The following TNRC6A variants were observed in gnomAD, a reference collection of about 807,000 sequenced individuals.
TNRC6A encodes the protein trinucleotide repeat-containing gene 6A protein.
A neutral mutation model predicts 221.2 loss-of-function variants in TNRC6A; 44 were observed. The ratio of observed to expected loss-of-function variants is 0.20; its 90% CI spans 0.16 to 0.26. The LOEUF (loss-of-function observed/expected upper bound fraction) is 0.26. Ranked by LOEUF, TNRC6A falls within the 10% of genes least tolerant of loss-of-function variation. The pLI is 1.00. For missense variants in TNRC6A, 2,199 were observed against 2,404.4 expected, an observed-to-expected ratio of 0.91 and a Z score of 1.79; for synonymous variants, 847 against 838.5, an observed-to-expected ratio of 1.01 and a Z score of -0.18.
At chr16:24,716,969 G>GAAAAAAAAAAAAAAAAAAAAAAAAAAAAA (rs61090241) in intron 2 of TNRC6A, among the ~76,000 whole-genome samples, 3 of 107,532 alleles carry the variant, frequency 2.8e-5, no homozygotes, top group Non-Finnish European at 4.1e-5. Flanking sequence ...AAAAAAAAAA[G>GAAAAAAAAAAAAAAAAAAAAAAAAAAAAA]AAAAAAAAAA....
intron 1 of TNRC6A, 105 bp from the exon 2 acceptor site, chr16:24,730,148 T>C (rs1596560454): frequency 2.1e-5 from 8 of 388,538 alleles, no homozygotes; most frequent in Non-Finnish European, 2.7e-5. Flanking sequence ...CCCTCCCCCA[T>C]CCGGCCCCGG....
At chr16:24,805,236 G>GC in intron 14 of TNRC6A, 85 bp downstream of exon 14, 1 of 1,535,816 alleles carries the variant, frequency 6.5e-7, no homozygotes, top group Non-Finnish European at 8.9e-7. Flanking sequence ...GGCTAACTAA[G>GC]CATTATCATA....
chr16:24,732,641 C>T (rs1039439472), intron 2 of TNRC6A, among the ~76,000 whole-genome samples: 1 of 152,118 alleles, frequency 6.6e-6, no homozygotes, highest in Non-Finnish European at 1.5e-5. Context: ...GTAGGCGGGA[C>T]CCACAGATGC....
rs139721189 is a variant in TNRC6A, at chr16:24,817,758, G to A, written c.4972+802G>A. ...GCAGCCACCATGTTGCGTTAGACGTGTAATTTACAGAGGTAACAAGCAGAG... is the reference window on the plus strand; with the variant it reads ...GCAGCCACCATGTTGCGTTAGACGTATAATTTACAGAGGTAACAAGCAGAG... On this transcript the variant is annotated intron_variant, in intron 20 of 24. Coordinates refer to ENST00000395799, the MANE Select transcript of TNRC6A (RefSeq NM_014494.4). Among the ~76,000 whole-genome samples, 52 of 152,260 alleles carry A rather than the reference G, an allele frequency of 3.4e-4. No individual in the cohort carries two copies. In the Middle Eastern group the frequency reaches 0.014, roughly 40 times the overall value.
intron 4 of TNRC6A, among the ~76,000 whole-genome samples, chr16:24,768,328 G>A (rs1040857438): frequency 1.3e-5 from 2 of 151,618 alleles, no homozygotes; most frequent in African/African-American, 4.9e-5. Flanking sequence ...AGCTACTCGG[G>A]AGGCTGAGGC....
At chr16:24,696,364 A>G (rs530130093) in intron 2 of TNRC6A, among the ~76,000 whole-genome samples, 58 of 144,796 alleles carry the variant, frequency 4.0e-4, no homozygotes, top group African/African-American at 1.2e-3. Context: ...AAAAAAAAAA[A>G]AAAGAAAGTA....
intron 2 of TNRC6A, among the ~76,000 whole-genome samples, chr16:24,746,344 T>G (rs908842333): frequency 1.3e-5 from 2 of 152,168 alleles, no homozygotes; most frequent in African/African-American, 2.4e-5. Context: ...GAGGATTGCT[T>G]GAGCCCAGGA....
At chr16:24,812,983 C>T (rs1422882864) in intron 18 of TNRC6A, among the ~76,000 whole-genome samples, 1 of 149,334 alleles carries the variant, frequency 6.7e-6, no homozygotes, top group Non-Finnish European at 1.5e-5. Flanking sequence ...TCAGATGACC[C>T]CCCCACCTCA....
chr16:24,768,203 G>A (rs1429224387), intron 4 of TNRC6A, among the ~76,000 whole-genome samples: 3 of 151,984 alleles, frequency 2.0e-5, no homozygotes, highest in Non-Finnish European at 4.4e-5. Flanking sequence ...AGGCTGAGGC[G>A]GGCGGACCAC....
rs1312421689 is a variant in TNRC6A, at chr16:24,790,967, T to A, written c.2325T>A (p.Asn775Lys). ...TAGATAAGACTAGCCCTAATGGTAA[T>A]GATACCTCATCTGTATCAGGGTGGG... ...ACIDKTSPNGNDTSSVSGWGD... is the reference protein window; with the variant it reads ...ACIDKTSPNGKDTSSVSGWGD... The change falls in exon 6 of 25, where the codon AAT becomes AAA. Residue 775 changes from asparagine to lysine, a missense_variant. This residue lies in a region of TNRC6A where 1,405 missense variants were observed against 1,400.2 expected (regional missense o/e 1.00). Transcript: ENST00000395799. The A allele has an allele frequency of 6.2e-7, 1 of 1,609,320 alleles. No homozygotes were observed. The highest frequency in any genetic ancestry group is 2.2e-5 in the East Asian group (1 of 44,860).
intron 2 of TNRC6A, among the ~76,000 whole-genome samples, chr16:24,724,618 C>T (rs774457211): frequency 3.4e-4 from 51 of 152,010 alleles, no homozygotes; most frequent in Admixed American, 1.3e-3. Flanking sequence ...CAGTGACTTG[C>T]GGCTGTAGTC....
intron 1 of TNRC6A, among the ~76,000 whole-genome samples, chr16:24,635,525 C>T (rs2141709545): frequency 6.6e-6 from 1 of 152,258 alleles, no homozygotes; most frequent in East Asian, 1.9e-4. Flanking sequence ...TCAAGTAATT[C>T]GCCTGCCTTG....
intron 11 of TNRC6A, 56 bp from the exon 12 acceptor site, chr16:24,804,121 A>T (rs753216390): frequency 1.0e-4 from 154 of 1,529,020 alleles, no homozygotes; most frequent in Non-Finnish European, 1.3e-4. Context: ...TTGTAAATTT[A>T]TCTGAAACCA....
At chr16:24,674,027 A>G (rs2055358060) in intron 2 of TNRC6A, among the ~76,000 whole-genome samples, 1 of 152,160 alleles carries the variant, frequency 6.6e-6, no homozygotes, top group South Asian at 2.1e-4. Flanking sequence ...TAGTTGCAGC[A>G]GAGGAAAGGG....
intron 4 of TNRC6A, among the ~76,000 whole-genome samples, chr16:24,762,046 G>A (rs2057375203): frequency 6.6e-6 from 1 of 152,148 alleles, no homozygotes; most frequent in Admixed American, 6.5e-5. Flanking sequence ...AAACCCCTGA[G>A]CTCCTAAGGG....
chr16:24,812,526 G>T (rs1371430891), intron 18 of TNRC6A, among the ~76,000 whole-genome samples: 1 of 152,162 alleles, frequency 6.6e-6, no homozygotes, highest in East Asian at 1.9e-4. Context: ...ATATCCAGTA[G>T]TGGGTCCATT....
intron 2 of TNRC6A, among the ~76,000 whole-genome samples, chr16:24,740,786 C>T (rs961950363): frequency 4.4e-4 from 67 of 152,260 alleles, no homozygotes; most frequent in Middle Eastern, 6.8e-3. Flanking sequence ...ACTCTGTACC[C>T]GTTAAATCAT....
intron 2 of TNRC6A, among the ~76,000 whole-genome samples, chr16:24,718,675 C>T (rs35477441): frequency 0.24 from 36,425 of 151,974 alleles, 4,898 homozygotes; most frequent in Non-Finnish European, 0.31. Context: ...TTCATAGCAC[C>T]AGCAGGACCT....
At chr16:24,655,673 G>T (rs1019482715) in intron 2 of TNRC6A, among the ~76,000 whole-genome samples, 3 of 151,230 alleles carry the variant, frequency 2.0e-5, no homozygotes, top group African/African-American at 7.3e-5. Flanking sequence ...TGGGCGACAA[G>T]AGTGAAATTC....
Sources: gnomAD v4.1 joint callset for allele counts (sites outside exome capture counted in the v4.1 genomes callset) on GRCh38, gnomAD v4.1.1 for gene constraint, gnomAD v4.1.1 regional missense constraint, MANE v1.5 for transcripts, NCBI Gene and HGNC (gene_info 2026-07-23, HGNC 2026-07-21) for gene names.